FAM186B: variants seen among roughly 807,000 people sequenced by gnomAD.
The protein encoded by FAM186B is protein FAM186B.
Under a neutral mutation model 83.4 loss-of-function variants are expected in FAM186B, and 68 were observed. That is an observed-to-expected ratio of 0.81 (90% CI 0.67 to 1.00). FAM186B has a LOEUF of 1.00. Among genes scored for constraint, FAM186B ranks in the 50% least tolerant of loss-of-function variants. The pLI, the probability that FAM186B is intolerant of heterozygous loss-of-function variation, is 0.00. For missense variants in FAM186B, 983 were observed against 1,099.2 expected, an observed-to-expected ratio of 0.89 and a Z score of 1.49; for synonymous variants, 389 against 422.0, an observed-to-expected ratio of 0.92 and a Z score of 0.96.
At chr12:49,610,385 CTCAACAAGA>C (rs767700216), upstream of FAM186B, among the ~76,000 whole-genome samples, 2 of 152,172 alleles carry the variant, frequency 1.3e-5, no homozygotes, top group Non-Finnish European at 1.5e-5. Context: ...TGCTAGGAAA[CTCAACAAGA>C]TCCAAGACAA....
upstream of FAM186B, among the ~76,000 whole-genome samples, chr12:49,606,688 G>C (rs1940030803): frequency 1.3e-5 from 2 of 152,118 alleles, no homozygotes; most frequent in South Asian, 4.1e-4. Context: ...AATTATAGTT[G>C]GAGATTCCAG....
intron 5 of FAM186B, among the ~76,000 whole-genome samples, chr12:49,598,516 C>T (rs1166142756): frequency 6.6e-6 from 1 of 152,216 alleles, no homozygotes; most frequent in Non-Finnish European, 1.5e-5. Flanking sequence ...AGACATCTCT[C>T]TCTCTCTGGG....
intron 5 of FAM186B, among the ~76,000 whole-genome samples, chr12:49,589,687 T>C (rs1338846964): frequency 6.6e-6 from 1 of 151,632 alleles, no homozygotes; most frequent in African/African-American, 2.4e-5. Context: ...TATATATCTA[T>C]AATAAAGAAT....
chr12:49,598,399 C>A (rs931665914), intron 5 of FAM186B, among the ~76,000 whole-genome samples: 1 of 152,138 alleles, frequency 6.6e-6, no homozygotes, highest in African/African-American at 2.4e-5. Flanking sequence ...GAGCAAGGCA[C>A]GGAGAACCAC....
chr12:49,591,079 A>G (rs1366352562), intron 5 of FAM186B, among the ~76,000 whole-genome samples: 1 of 152,206 alleles, frequency 6.6e-6, no homozygotes, highest in African/African-American at 2.4e-5. Context: ...CAGGTCAATG[A>G]TCCCCAAAAG....
chr12:49,622,249 G>T, the FAM186B span, among the ~76,000 whole-genome samples: 3 of 146,038 alleles, frequency 2.1e-5, no homozygotes, highest in South Asian at 4.6e-4. Context: ...CCGCGGCGGC[G>T]GCTGCGGGCC....
intron 5 of FAM186B, chr12:49,595,315 C>T (rs1457719289): frequency 1.1e-5 from 7 of 643,328 alleles, no homozygotes; most frequent in Non-Finnish European, 2.0e-5. Flanking sequence ...AAAAGAGGGA[C>T]CATATGACAT....
rs552920203 is a variant in FAM186B at position 49,604,473 on chromosome 12, T to C, written c.162A>G (p.Glu54=). 20 of 1,614,248 alleles carry C rather than the reference T, an allele frequency of 1.2e-5. No individual in the cohort carries two copies. In the African/African-American group the frequency reaches 1.5e-4, roughly 12 times the overall value. ...NVNCVINRFQ[E]ELGYDLKENA... ...TTTCTTTTAAATCATATCCTAATTC[T>C]TCCTGGAAGCGGTTGATGACACAAT... The change falls in exon 2 of 7, where the codon GAA becomes GAG. Residue 54 remains glutamate (E), a synonymous_variant. Coordinates refer to ENST00000257894, the MANE Select transcript of FAM186B (RefSeq NM_032130.3).
In FAM186B at chr12:49,588,492, C is replaced by T. The variant is rs766456589; in HGVS notation, c.2496G>A (p.Leu832=). The T allele has an allele frequency of 2.5e-6, 4 of 1,613,492 alleles. No individual in the cohort carries two copies. Among genetic ancestry groups the T allele is most frequent in the South Asian group, 1.1e-5 (1 of 90,936 alleles). Reference sequence around the variant, plus strand: ...GGGGCACACATGCCCGGTGCCTAGACAGAAAGGGCTGCTTGTAGGTGGGGC... The same window carrying T: ...GGGGCACACATGCCCGGTGCCTAGATAGAAAGGGCTGCTTGTAGGTGGGGC... The part of the protein sequence containing the change: ...PSGPTYKQPF[L]SRHRACVPLQ... The change falls in exon 6 of 7, where the codon CTG becomes CTA. Residue 832 remains leucine (L), a synonymous_variant. Coordinates refer to ENST00000257894, the MANE Select transcript of FAM186B (RefSeq NM_032130.3).
intron 5 of FAM186B, 48 bp downstream of exon 5, chr12:49,598,707 C>T (rs1200652739): frequency 6.5e-6 from 10 of 1,550,104 alleles, no homozygotes; most frequent in Non-Finnish European, 8.7e-6. Context: ...ACTGGCTGTG[C>T]TGACCCCAGG....
upstream of FAM186B, among the ~76,000 whole-genome samples, chr12:49,606,300 C>T (rs956492680): frequency 6.6e-6 from 1 of 150,734 alleles, no homozygotes; most frequent in Non-Finnish European, 1.5e-5. Flanking sequence ...TTGAGACCAG[C>T]CTGGGCAACA....
upstream of FAM186B, among the ~76,000 whole-genome samples, chr12:49,607,978 GCA>G: frequency 1.3e-5 from 2 of 151,776 alleles, no homozygotes; most frequent in Non-Finnish European, 2.9e-5. Flanking sequence ...GGGATTACAG[GCA>G]TCAGCCACCG....
chr12:49,612,801 C>T, the FAM186B span, among the ~76,000 whole-genome samples: 68 of 152,072 alleles, frequency 4.5e-4, no homozygotes, highest in African/African-American at 4.3e-4. Flanking sequence ...CTTTAACACC[C>T]CAATGACAGC....
downstream of FAM186B, among the ~76,000 whole-genome samples, chr12:49,587,129 T>C (rs1232979754): frequency 6.6e-6 from 1 of 152,176 alleles, no homozygotes; most frequent in African/African-American, 2.4e-5. Flanking sequence ...TGTTGGCCCC[T>C]GGAGTCCCAC....
chr12:49,618,368 C>CTG, the FAM186B span, among the ~76,000 whole-genome samples: 3 of 151,396 alleles, frequency 2.0e-5, no homozygotes, highest in African/African-American at 7.3e-5. Context: ...AAGCTCATGA[C>CTG]TGACAAGCCC....
At chr12:49,591,535 A>C (rs1939580956) in intron 5 of FAM186B, among the ~76,000 whole-genome samples, 1 of 152,196 alleles carries the variant, frequency 6.6e-6, no homozygotes, top group Admixed American at 6.5e-5. Flanking sequence ...GCAGATAAGC[A>C]GTGTGAGAAA....
At chr12:49,594,356 A>C in intron 5 of FAM186B, 1 of 159,268 alleles carries the variant, frequency 6.3e-6, no homozygotes. Flanking sequence ...CATATAGTAG[A>C]TCCCCCTTAT....
rs1176835274 is a variant in FAM186B, at chr12:49,599,718, G to A, written c.1922C>T (p.Ser641Phe). The A allele has an allele frequency of 3.7e-6, 6 of 1,613,776 alleles. No individual in the cohort carries two copies. The highest frequency in any genetic ancestry group is 5.1e-6 in the Non-Finnish European group (6 of 1,179,820). ...AGAGGGCCAGGTCAGCCTTCGGATG[G>A]ATGTCCCAGTGACAGGAAAGGAGGC... is the stretch of plus-strand genomic sequence containing the variant. ...KSASFPVTGT[S>F]IRRLTWPSLQ... The change falls in exon 4 of 7, where the codon TCC (serine) becomes TTC (phenylalanine). Residue 641 changes from serine to phenylalanine, a missense_variant. Transcript: ENST00000257894.
At chr12:49,617,296 G>A in the FAM186B span, among the ~76,000 whole-genome samples, 4 of 152,350 alleles carry the variant, frequency 2.6e-5, no homozygotes, top group Non-Finnish European at 4.4e-5. Flanking sequence ...TGTAATCCCA[G>A]CACTTTCGGA....
Sources: gnomAD v4.1 joint callset for allele counts (sites outside exome capture counted in the v4.1 genomes callset) on GRCh38, gnomAD v4.1.1 for gene constraint, MANE v1.5 for transcripts, NCBI Gene and HGNC (gene_info 2026-07-23, HGNC 2026-07-21) for gene names.